The following NCALD variants were observed in gnomAD, a reference collection of about 807,000 sequenced individuals.
NCALD encodes neurocalcin delta.
A neutral mutation model predicts 18.6 loss-of-function variants in NCALD; 10 were observed. That is an observed-to-expected ratio of 0.54 (90% CI 0.33 to 0.91). The LOEUF (loss-of-function observed/expected upper bound fraction) is 0.91, where lower values mean the gene tolerates loss of function less well. Among genes scored for constraint, NCALD ranks in the 40% least tolerant of loss-of-function variants. The pLI is 0.03. For missense variants in NCALD, 184 were observed against 247.6 expected (o/e 0.74, Z 1.72); for synonymous variants, 88 against 87.4 (o/e 1.01, Z -0.04).
intron 2 of NCALD, among the ~76,000 whole-genome samples, chr8:101,705,996 G>A (rs1815502431): frequency 6.6e-6 from 1 of 152,222 alleles, no homozygotes; most frequent in African/African-American, 2.4e-5. Flanking sequence ...GATTAGAAAT[G>A]TGAAGCCTGA....
intron 1 of NCALD, among the ~76,000 whole-genome samples, chr8:101,773,020 T>C (rs949668130): frequency 6.6e-6 from 1 of 152,224 alleles, no homozygotes; most frequent in Non-Finnish European, 1.5e-5. Context: ...TTTTTACTTC[T>C]GTTTTCCAAA....
At chr8:101,913,775 C>T (rs994787331) in intron 3 of NCALD, among the ~76,000 whole-genome samples, 1 of 152,030 alleles carries the variant, frequency 6.6e-6, no homozygotes, top group East Asian at 1.9e-4. Flanking sequence ...AGAGATGGGG[C>T]TTCTCCATGT....
intron 2 of NCALD, among the ~76,000 whole-genome samples, chr8:101,917,605 G>A (rs1488043564): frequency 6.7e-6 from 1 of 148,478 alleles, no homozygotes; most frequent in African/African-American, 2.6e-5. Context: ...CAAAAAAAAA[G>A]ATACAAATAA....
At chr8:102,003,303 A>G (rs904898709) in intron 2 of NCALD, among the ~76,000 whole-genome samples, 2 of 152,266 alleles carry the variant, frequency 1.3e-5, no homozygotes, top group Non-Finnish European at 2.9e-5. Flanking sequence ...ATTCCTCGAC[A>G]TATACACTCT....
At chr8:101,760,407 G>A (rs1190004256) in intron 1 of NCALD, among the ~76,000 whole-genome samples, 3 of 152,120 alleles carry the variant, frequency 2.0e-5, no homozygotes, top group African/African-American at 7.2e-5. Context: ...AGGCCATACT[G>A]CAAAATATTC....
At chr8:101,906,590 T>C (rs1212160103) in intron 3 of NCALD, among the ~76,000 whole-genome samples, 1 of 152,224 alleles carries the variant, frequency 6.6e-6, no homozygotes, top group African/African-American at 2.4e-5. Flanking sequence ...AAACCAAGTT[T>C]CTAATGAATG....
chr8:102,114,195 C>T (rs1298241152), intron 1 of NCALD, among the ~76,000 whole-genome samples: 1 of 152,214 alleles, frequency 6.6e-6, no homozygotes, highest in Non-Finnish European at 1.5e-5. Flanking sequence ...GTCTAGCTCT[C>T]AAACATACGT....
chr8:101,781,721 T>A (rs1284610717), intron 1 of NCALD, among the ~76,000 whole-genome samples: 6 of 152,210 alleles, frequency 3.9e-5, no homozygotes, highest in Admixed American at 3.9e-4. Flanking sequence ...ATCATCAATA[T>A]CAACGCATTA....
chr8:101,944,543 T>C (rs1467877846), intron 2 of NCALD, among the ~76,000 whole-genome samples: 1 of 152,236 alleles, frequency 6.6e-6, no homozygotes, highest in Non-Finnish European at 1.5e-5. Flanking sequence ...TGGCACATGC[T>C]GGCTTTTCTC....
At chr8:101,759,318 A>G (rs1811016833) in intron 1 of NCALD, among the ~76,000 whole-genome samples, 1 of 152,126 alleles carries the variant, frequency 6.6e-6, no homozygotes. Flanking sequence ...ACATGCCAGA[A>G]AGTTGTCAGT....
intron 1 of NCALD, among the ~76,000 whole-genome samples, chr8:101,735,883 G>A (rs925559477): frequency 2.6e-5 from 4 of 152,168 alleles, no homozygotes; most frequent in Admixed American, 6.5e-5. Flanking sequence ...CTGAGTCACC[G>A]TTGATTCTCA....
chr8:101,884,042 A>T (rs1816585801), intron 4 of NCALD, among the ~76,000 whole-genome samples: 1 of 152,148 alleles, frequency 6.6e-6, no homozygotes, highest in African/African-American at 2.4e-5. Flanking sequence ...GGCTCCTGCC[A>T]CCCCTCTAGC....
rs116830561 is a variant in NCALD at position 101,967,370 on chromosome 8, C to T, written c.-156-51512G>A. 9.3e-3 allele frequency among the ~76,000 whole-genome samples: 1,409 copies of T among 152,302 alleles called. 17 individuals are homozygous for T. The highest frequency in any genetic ancestry group is 0.027 in the Middle Eastern group (8 of 294). ...AGGGAACACAAGTTCATCTTCACCA[C>T]ATTTTGATGTAAAAGCAATATGAAT... On this transcript the variant is annotated intron_variant, in intron 2 of 6. Transcript: ENST00000311028.
chr8:102,001,057 T>A (rs138677680), intron 2 of NCALD, among the ~76,000 whole-genome samples: 1,581 of 152,292 alleles, frequency 0.01, 31 homozygotes, highest in African/African-American at 0.035. Flanking sequence ...AGAAGAAGGC[T>A]TCAGATGATC....
At chr8:102,056,781 C>T (rs1041742436) in intron 1 of NCALD, among the ~76,000 whole-genome samples, 3 of 152,258 alleles carry the variant, frequency 2.0e-5, no homozygotes, top group Non-Finnish European at 2.9e-5. Context: ...GGCAGTAGAG[C>T]TGGAGCACCT....
chr8:101,962,282 C>T (rs139115251), intron 2 of NCALD, among the ~76,000 whole-genome samples: 165 of 152,248 alleles, frequency 1.1e-3, no homozygotes, highest in African/African-American at 3.5e-3. Flanking sequence ...ACTCCAGTTG[C>T]GAGTCTGTAA....
At chr8:101,921,859 G>C (rs1420208439) in intron 2 of NCALD, among the ~76,000 whole-genome samples, 1 of 151,980 alleles carries the variant, frequency 6.6e-6, no homozygotes, top group African/African-American at 2.4e-5. Context: ...TTTTTTAACT[G>C]AGAAAAAATC....
At chr8:101,727,136 T>C (rs1816608277) in intron 1 of NCALD, among the ~76,000 whole-genome samples, 1 of 152,196 alleles carries the variant, frequency 6.6e-6, no homozygotes, top group Non-Finnish European at 1.5e-5. Context: ...AATCTTGTGC[T>C]CTCTTCAACC....
At chr8:101,695,302 A>G (rs937055516) in intron 2 of NCALD, among the ~76,000 whole-genome samples, 9 of 152,134 alleles carry the variant, frequency 5.9e-5, no homozygotes, top group South Asian at 2.1e-4. Flanking sequence ...GGGGCTGTGT[A>G]TTTATTCATT....
Sources: gnomAD v4.1 joint callset for allele counts (sites outside exome capture counted in the v4.1 genomes callset) on GRCh38, gnomAD v4.1.1 for gene constraint, MANE v1.5 for transcripts, NCBI Gene and HGNC (gene_info 2026-07-23, HGNC 2026-07-21) for gene names.